The following PLAA variants were observed in gnomAD, a reference collection of about 807,000 sequenced individuals.
PLAA encodes phospholipase A-2-activating protein.
In PLAA, 48 loss-of-function variants were observed where a neutral mutation model predicts 84.1. The observed-to-expected ratio is 0.57, with a 90% CI of 0.45 to 0.73. PLAA has a LOEUF of 0.73. PLAA is among the 30% of genes least tolerant of loss of function. PLAA has a pLI of 0.00. For synonymous variants in PLAA, 392 were observed against 336.6 expected (o/e 1.16, Z -1.80); for missense variants, 903 against 954.7 (o/e 0.95, Z 0.71).
chr9:26,936,558 G>C (rs966244528), intron 1 of PLAA, among the ~76,000 whole-genome samples: 1 of 152,174 alleles, frequency 6.6e-6, no homozygotes, highest in African/African-American at 2.4e-5. Flanking sequence ...GGTTAATTTT[G>C]ATCAATGCCT....
chr9:26,945,904 C>T (rs1825684048), intron 1 of PLAA, among the ~76,000 whole-genome samples: 1 of 152,190 alleles, frequency 6.6e-6, no homozygotes. Flanking sequence ...ATCTCTCCAC[C>T]TAATTAACTG....
intron 11 of PLAA, among the ~76,000 whole-genome samples, chr9:26,913,505 A>T (rs1419107125): frequency 6.6e-6 from 1 of 152,196 alleles, no homozygotes; most frequent in African/African-American, 2.4e-5. Flanking sequence ...ATAAACACAG[A>T]CTTTGTAAGA....
chr9:26,920,198 T>C (rs770205016), intron 8 of PLAA, 29 bp downstream of exon 8: 25 of 1,584,204 alleles, frequency 1.6e-5, no homozygotes, highest in South Asian at 1.4e-4. Flanking sequence ...TTTAAGACAA[T>C]AGTAATTAGA....
intron 4 of PLAA, 146 bp downstream of exon 4, chr9:26,927,954 T>G: frequency 1.2e-6 from 1 of 861,384 alleles, no homozygotes; most frequent in South Asian, 1.8e-5. Context: ...AGATATTAAC[T>G]CATCAGAAAA....
chr9:26,910,281 T>C (rs367819578), intron 12 of PLAA, 57 bp downstream of exon 12: 6 of 1,295,448 alleles, frequency 4.6e-6, no homozygotes, highest in East Asian at 2.3e-5. Flanking sequence ...AGAAACAACC[T>C]TGATGACATC....
In PLAA at chr9:26,905,557, G is replaced by A; in HGVS notation, c.2342C>T (p.Pro781Leu). ...TCTACAGCATTCACTTACTTTAGCT[G>A]GTTCTGATACTGAGGAATACTTTTT... ...QIKKYSSVSE[P>L]AKVSECCRFI... The change falls in exon 14 of 14, where the codon CCA becomes CTA. Residue 781 changes from proline (P) to leucine (L), a missense_variant. Transcript: ENST00000397292. 4 of 1,613,750 alleles carry A rather than the reference G, an allele frequency of 2.5e-6. No homozygotes were observed. Among genetic ancestry groups the A allele is most frequent in the Non-Finnish European group, 3.4e-6 (4 of 1,179,918 alleles).
intron 1 of PLAA, among the ~76,000 whole-genome samples, chr9:26,946,137 CA>C (rs1034421843): frequency 6.6e-6 from 1 of 152,166 alleles, no homozygotes; most frequent in African/African-American, 2.4e-5. Flanking sequence ...TACTAAATAA[CA>C]AAATAACTAA....
chr9:26,908,575 C>G (rs1824308604), intron 12 of PLAA, among the ~76,000 whole-genome samples: 1 of 152,096 alleles, frequency 6.6e-6, no homozygotes, highest in South Asian at 2.1e-4. Context: ...AAGCGATTCT[C>G]CTGCCTCAGC....
chr9:26,930,391 C>T (rs1825143443), intron 2 of PLAA, among the ~76,000 whole-genome samples: 1 of 152,168 alleles, frequency 6.6e-6, no homozygotes, highest in Non-Finnish European at 1.5e-5. Flanking sequence ...GCATGAGCCA[C>T]TTCGCCCAGC....
Position 26,919,478 on chromosome 9 carries a change from T to C in PLAA, c.1249A>G (p.Lys417Glu), listed in dbSNP as rs1299992164. Reference protein sequence around the residue: ...IDVNEGGPSYKLPYNTSDDPW... With the variant: ...IDVNEGGPSYELPYNTSDDPW... ...TCATCACTGGTATTATATGGCAATT[T>C]ATATGATGGTCCACCTTCATTGACA... The change falls in exon 9 of 14, where the codon AAA becomes GAA. Residue 417 changes from lysine to glutamate, a missense_variant. Physicochemically the swap from Lys to Glu is moderately conservative, Grantham distance 56 (BLOSUM62 1). Transcript: ENST00000397292. 1 of 1,611,102 alleles carries C rather than the reference T, an allele frequency of 6.2e-7. No homozygotes were observed.
At chr9:26,908,864 A>G (rs941604594) in intron 12 of PLAA, among the ~76,000 whole-genome samples, 2 of 152,236 alleles carry the variant, frequency 1.3e-5, no homozygotes, top group Non-Finnish European at 2.9e-5. Context: ...AAAATTTATA[A>G]CAACTTTTTA....
intron 12 of PLAA, among the ~76,000 whole-genome samples, chr9:26,908,829 G>A (rs1310813397): frequency 6.6e-6 from 1 of 152,158 alleles, no homozygotes; most frequent in Non-Finnish European, 1.5e-5. Flanking sequence ...TCAAGTGTAA[G>A]TCAATAACCT....
rs576771784 is a variant in PLAA at position 26,921,626 on chromosome 9, G to A, written c.1040-1242C>T. Reference sequence around the variant, plus strand: ...AAATACTAGTTTTTTAAACGCTACAGTGTACAATCTGAAACCACATCAATG... The same window carrying A: ...AAATACTAGTTTTTTAAACGCTACAATGTACAATCTGAAACCACATCAATG... On this transcript the variant is annotated intron_variant, in intron 7 of 13. Transcript: ENST00000397292. Among the ~76,000 whole-genome samples, 79 of 152,298 alleles carry A rather than the reference G, an allele frequency of 5.2e-4. 1 individual carries two copies. The South Asian group carries it at 0.016, about 31-fold the overall frequency.
chr9:26,941,049 T>C (rs1242786292), intron 1 of PLAA, among the ~76,000 whole-genome samples: 1 of 152,038 alleles, frequency 6.6e-6, no homozygotes, highest in Non-Finnish European at 1.5e-5. Context: ...AATGGCAGAA[T>C]CCAGATTAGG....
Position 26,935,043 on chromosome 9 carries a change from G to A in PLAA, c.313C>T (p.Leu105Phe). The A allele has an allele frequency of 1.9e-6, 3 of 1,600,060 alleles. No individual in the cohort carries two copies. The highest frequency in any genetic ancestry group is 1.7e-4 in the Middle Eastern group (1 of 6,030). Residue 105 changes from leucine to phenylalanine, a missense_variant, in exon 2 of 14, where the codon CTT becomes TTT. Physicochemically the swap from Leu to Phe is conservative, Grantham distance 22. Transcript: ENST00000397292. ...CIFSLDSPMP[L>F]YILKGHKNTV... ...TTTTTGTGGCCTTTTAGAATATAAA[G>A]TGGCATTGGACTGTCCAGTGAGAAA...
rs767668858 is a variant in PLAA at position 26,920,232 on chromosome 9, C to T, written c.1192G>A (p.Gly398Arg). Residue 398 changes from glycine to arginine, a missense_variant, in exon 8 of 14, where the codon GGG becomes AGG. Physicochemically the swap from Gly to Arg is moderately radical, Grantham distance 125. Coordinates refer to ENST00000397292, the MANE Select transcript of PLAA (RefSeq NM_001031689.3). Reference protein sequence around the residue: ...QQTSGKVLYEGKEFDYVFSID... With the variant: ...QQTSGKVLYERKEFDYVFSID... ...GAAAGTAGAAGTCGACATACTTTCC[C>T]TTCATATAAAACTTTTCCAGATGTT... 3 of 1,613,080 alleles carry T rather than the reference C, an allele frequency of 1.9e-6. No individual in the cohort carries two copies. Among genetic ancestry groups the T allele is most frequent in the Non-Finnish European group, 2.5e-6 (3 of 1,179,346 alleles).
chr9:26,908,226 GGCGCC>G (rs1193497853), intron 12 of PLAA, among the ~76,000 whole-genome samples: 2 of 147,736 alleles, frequency 1.4e-5, no homozygotes, highest in East Asian at 4.0e-4. Context: ...GGAGTGCAGT[GGCGCC>G]ATCTTGGCTC....
At chr9:26,928,514 T>G in intron 2 of PLAA, 106 bp from the exon 3 acceptor site, 1 of 777,440 alleles carries the variant, frequency 1.3e-6, no homozygotes, top group South Asian at 1.5e-5. Flanking sequence ...GAAGTGGCAG[T>G]ATCTTAGCTA....
rs1824677868 is a variant in PLAA, at chr9:26,919,364, T to TA, written c.1362_1363insT (p.Thr455TyrfsTer32). The TA allele has an allele frequency of 6.2e-7, 1 of 1,612,674 alleles. No individual in the cohort carries two copies. The highest frequency in any genetic ancestry group is 1.1e-5 in the South Asian group (1 of 91,010). ...CCAAGTCCCAACATTTGACCTTTTG[T>TA]GTTATCAATAATAAATTTAGCTACT... On this transcript the variant is annotated frameshift_variant, in exon 9 of 14. Transcript: ENST00000397292. LOFTEE classifies it high-confidence loss of function.
Sources: allele counts gnomAD v4.1 joint callset (sites outside exome capture counted in the v4.1 genomes callset), GRCh38; gene constraint gnomAD v4.1.1; transcripts MANE v1.5; gene names NCBI Gene and HGNC (gene_info 2026-07-23, HGNC 2026-07-21).